Variants in HTT-AS observed in about 807,000 individuals in gnomAD.
HTT-AS encodes HTT antisense RNA, also known as HTT antisense RNA (head to head).
chr4:3,054,016 C>T (rs1366015769), intron 2 of HTT-AS, among the ~76,000 whole-genome samples: 1 of 151,832 alleles, frequency 6.6e-6, no homozygotes, highest in African/African-American at 2.4e-5. Flanking sequence ...CCTCCGCCTC[C>T]CAAAGTGCTG....
intron 1 of HTT-AS, among the ~76,000 whole-genome samples, chr4:3,066,083 G>A (rs989733791): frequency 6.6e-6 from 1 of 151,200 alleles, no homozygotes; most frequent in South Asian, 2.1e-4. Context: ...AGAAGAGGGT[G>A]GGAGCGCAGA....
At chr4:3,051,029 T>TG (rs1491352659) in intron 2 of HTT-AS, among the ~76,000 whole-genome samples, 72 of 139,242 alleles carry the variant, frequency 5.2e-4, no homozygotes, top group South Asian at 2.8e-3. Flanking sequence ...TCCCTTACAA[T>TG]TTGTGTGTGT....
At chr4:3,046,404 G>A (rs1234239762), downstream of HTT-AS, among the ~76,000 whole-genome samples, 1 of 152,198 alleles carries the variant, frequency 6.6e-6, no homozygotes, top group Non-Finnish European at 1.5e-5. Context: ...CAAGACTCAG[G>A]TACTGCCACA....
intron 2 of HTT-AS, among the ~76,000 whole-genome samples, chr4:3,053,934 A>AT (rs1250587559): frequency 6.6e-6 from 1 of 151,466 alleles, no homozygotes; most frequent in African/African-American, 2.4e-5. Context: ...TAATTTTTGT[A>AT]TTTTTAGTAG....
intron 1 of HTT-AS, among the ~76,000 whole-genome samples, chr4:3,069,484 G>A (rs1411849022): frequency 6.6e-6 from 1 of 151,922 alleles, no homozygotes; most frequent in African/African-American, 2.4e-5. Flanking sequence ...ACTAACAGAG[G>A]TTCAAAAATA....
intron 1 of HTT-AS, among the ~76,000 whole-genome samples, chr4:3,066,197 G>A (rs759021975): frequency 1.6e-4 from 24 of 151,882 alleles, no homozygotes; most frequent in Non-Finnish European, 2.5e-4. Flanking sequence ...TTGAGGTGGC[G>A]TCTCACTCTG....
chr4:3,070,505 G>A (rs1488683270), intron 1 of HTT-AS, among the ~76,000 whole-genome samples: 1 of 152,122 alleles, frequency 6.6e-6, no homozygotes, highest in African/African-American at 2.4e-5. Context: ...TGGTCAGGCG[G>A]ACTTGAACTC....
intron 1 of HTT-AS, among the ~76,000 whole-genome samples, chr4:3,071,126 C>T (rs73792182): frequency 0.01 from 1,543 of 152,254 alleles, 29 homozygotes; most frequent in African/African-American, 0.036. Context: ...TGTAAAGTCC[C>T]GATGATCCAT....
chr4:3,048,438 G>C (rs951218937), downstream of HTT-AS, among the ~76,000 whole-genome samples: 1 of 152,160 alleles, frequency 6.6e-6, no homozygotes, highest in Non-Finnish European at 1.5e-5. Context: ...CAGCGCACCA[G>C]GGAGACTATT....
chr4:3,055,483 C>T (rs910822516), intron 2 of HTT-AS, among the ~76,000 whole-genome samples: 13 of 152,094 alleles, frequency 8.5e-5, no homozygotes, highest in African/African-American at 2.7e-4. Context: ...CTTTGGATTG[C>T]GATAGTAACT....
intron 1 of HTT-AS, among the ~76,000 whole-genome samples, chr4:3,064,673 C>T (rs1166334658): frequency 6.6e-6 from 1 of 151,994 alleles, no homozygotes. Flanking sequence ...AAAGTGCTAC[C>T]CTTCAAAAAA....
At chr4:3,066,855 C>A (rs1377458772) in intron 1 of HTT-AS, among the ~76,000 whole-genome samples, 1 of 152,100 alleles carries the variant, frequency 6.6e-6, no homozygotes, top group Non-Finnish European at 1.5e-5. Context: ...GATATGAGGC[C>A]TGATGGATGG....
At chr4:3,065,798 G>A (rs1409621785) in intron 1 of HTT-AS, among the ~76,000 whole-genome samples, 1 of 152,222 alleles carries the variant, frequency 6.6e-6, no homozygotes, top group Non-Finnish European at 1.5e-5. Context: ...TCACAAGACA[G>A]TATTACGTAG....
At chr4:3,048,357 C>A (rs754798748), downstream of HTT-AS, among the ~76,000 whole-genome samples, 5 of 152,162 alleles carry the variant, frequency 3.3e-5, no homozygotes, top group African/African-American at 4.8e-5. Context: ...TTCTGCCATT[C>A]CAGTTGAAGA....
At chr4:3,049,441 A>G (rs1326732387) in exon 3 of HTT-AS, among the ~76,000 whole-genome samples, 1 of 152,022 alleles carries the variant, frequency 6.6e-6, no homozygotes. Context: ...GAAAAAAAAA[A>G]GAGAGTCTCA....
At chr4:3,051,009 C>A (rs1169395664) in intron 2 of HTT-AS, among the ~76,000 whole-genome samples, 1 of 143,002 alleles carries the variant, frequency 7.0e-6, no homozygotes, top group African/African-American at 2.6e-5. Context: ...TTCTTATAAA[C>A]CTTTTATAAT....
At chr4:3,070,976 T>G (rs1712161263) in intron 1 of HTT-AS, among the ~76,000 whole-genome samples, 1 of 152,228 alleles carries the variant, frequency 6.6e-6, no homozygotes. Context: ...CAAACTTTTC[T>G]GTGAACTTTA....
intron 2 of HTT-AS, among the ~76,000 whole-genome samples, chr4:3,058,433 T>G (rs1711851377): frequency 6.6e-6 from 1 of 152,216 alleles, no homozygotes; most frequent in African/African-American, 2.4e-5. Flanking sequence ...TGTTAATGCA[T>G]TATAATTAGC....
At chr4:3,065,050 C>T (rs1712016575) in intron 1 of HTT-AS, among the ~76,000 whole-genome samples, 1 of 152,104 alleles carries the variant, frequency 6.6e-6, no homozygotes, top group South Asian at 2.1e-4. Context: ...AGATTATTTT[C>T]ATAGATGCTG....
Sources: allele counts gnomAD v4.1 joint callset (sites outside exome capture counted in the v4.1 genomes callset), GRCh38; gene constraint gnomAD v4.1.1; transcripts MANE v1.5; gene names NCBI Gene and HGNC (gene_info 2026-07-23, HGNC 2026-07-21).